Variants in DAB1 observed in about 807,000 individuals in gnomAD.
DAB1 encodes disabled homolog 1.
DAB1 carries 15 observed loss-of-function variants against 64.6 expected under a neutral mutation model. The observed-to-expected ratio is 0.23, with a 90% CI of 0.16 to 0.36. The LOEUF is 0.36. DAB1 is among the 10% of genes least tolerant of loss of function. DAB1 has a pLI of 1.00. For missense variants in DAB1, 596 were observed against 706.7 expected, an observed-to-expected ratio of 0.84 and a Z score of 1.78; for synonymous variants, 235 against 251.9, an observed-to-expected ratio of 0.93 and a Z score of 0.64.
intron 7 of DAB1, among the ~76,000 whole-genome samples, chr1:57,431,602 C>A (rs1474850229): frequency 6.6e-6 from 1 of 152,154 alleles, no homozygotes; most frequent in Non-Finnish European, 1.5e-5. Context: ...AATAGCACTC[C>A]TTTCATTTTT....
intron 5 of DAB1, among the ~76,000 whole-genome samples, chr1:57,904,512 C>G (rs1644521435): frequency 1.3e-5 from 2 of 152,066 alleles, no homozygotes; most frequent in African/African-American, 4.8e-5. Context: ...AACAAGAAAA[C>G]TGAAAATGGT....
intron 7 of DAB1, among the ~76,000 whole-genome samples, chr1:57,628,373 T>C (rs1645948416): frequency 1.3e-5 from 2 of 152,252 alleles, no homozygotes; most frequent in African/African-American, 4.8e-5. Context: ...TGAAGAGAGA[T>C]GTGGCAGATA....
At chr1:58,078,542 T>C (rs528218842) in intron 5 of DAB1, among the ~76,000 whole-genome samples, 43 of 152,322 alleles carry the variant, frequency 2.8e-4, no homozygotes, top group South Asian at 6.2e-4. Flanking sequence ...TCCTATGATG[T>C]TAGCTCCCTG....
chr1:57,732,595 TGATTCCTAAGG>T (rs1208053107), intron 6 of DAB1, among the ~76,000 whole-genome samples: 4 of 152,256 alleles, frequency 2.6e-5, no homozygotes, highest in Non-Finnish European at 2.9e-5. Flanking sequence ...GAAGGTTTAC[TGATTCCTAAGG>T]ACAGTTGCTG....
rs78923569 is a variant in DAB1 at position 57,191,431 on chromosome 1, A to T, written c.68-46002T>A. On this transcript the variant is annotated intron_variant, in intron 2 of 14. Transcript: ENST00000371236. ...CAGTCTATATTGGGTCTTGCTGATCACCAGCCTTCCCTTTACCACTGTCTC... is the reference window on the plus strand; with the variant it reads ...CAGTCTATATTGGGTCTTGCTGATCTCCAGCCTTCCCTTTACCACTGTCTC... Among the ~76,000 whole-genome samples, 1,359 of 152,270 alleles carry T rather than the reference A, an allele frequency of 8.9e-3. 16 individuals are homozygous for T. The highest frequency in any genetic ancestry group is 0.032 in the African/African-American group (1,309 of 41,540).
At chr1:57,641,378 G>GTTTTTTTTTTTTTT (rs1491296848) in intron 7 of DAB1, among the ~76,000 whole-genome samples, 5 of 109,814 alleles carry the variant, frequency 4.6e-5, no homozygotes, top group Admixed American at 1.1e-4. Context: ...TTTTTTTGTT[G>GTTTTTTTTTTTTTT]GTTTTTTTTT....
chr1:57,386,414 G>A (rs1347112030), intron 1 of DAB1, among the ~76,000 whole-genome samples: 3 of 149,136 alleles, frequency 2.0e-5, no homozygotes, highest in African/African-American at 7.4e-5. Context: ...CCATAAACAC[G>A]GGACAGAATC....
chr1:57,279,626 T>C (rs1282102436), intron 2 of DAB1, among the ~76,000 whole-genome samples: 1 of 152,228 alleles, frequency 6.6e-6, no homozygotes, highest in Non-Finnish European at 1.5e-5. Context: ...ACACACACAG[T>C]TGGCCCTCCA....
chr1:57,218,710 A>G (rs1569934658), intron 2 of DAB1, among the ~76,000 whole-genome samples: 1 of 152,026 alleles, frequency 6.6e-6, no homozygotes, highest in Admixed American at 6.6e-5. Flanking sequence ...AGCACATTCC[A>G]TAGCCTGTTC....
At chr1:57,540,259 C>T (rs115334726) in intron 7 of DAB1, among the ~76,000 whole-genome samples, 3,546 of 152,192 alleles carry the variant, frequency 0.023, 156 homozygotes, top group Admixed American at 0.12. Flanking sequence ...CATCTTACCC[C>T]AGTTAGAATG....
At chr1:57,953,223 T>C (rs547228187) in intron 5 of DAB1, among the ~76,000 whole-genome samples, 3 of 152,372 alleles carry the variant, frequency 2.0e-5, no homozygotes, top group African/African-American at 4.8e-5. Context: ...TTGACTTTTC[T>C]ATTTACAAGT....
chr1:57,564,176 G>C (rs1645088261), intron 7 of DAB1, among the ~76,000 whole-genome samples: 1 of 152,068 alleles, frequency 6.6e-6, no homozygotes, highest in Non-Finnish European at 1.5e-5. Context: ...AGGCAAAGAG[G>C]GTCTGGAGTG....
chr1:58,501,757 C>T (rs1004105239), intron 3 of DAB1, among the ~76,000 whole-genome samples: 3 of 152,160 alleles, frequency 2.0e-5, no homozygotes, highest in Admixed American at 2.0e-4. Context: ...TCATGTGTTC[C>T]TCTAAAATTC....
intron 5 of DAB1, among the ~76,000 whole-genome samples, chr1:58,148,495 T>A (rs1401436098): frequency 6.6e-6 from 1 of 152,200 alleles, no homozygotes; most frequent in African/African-American, 2.4e-5. Flanking sequence ...CAAACTACAT[T>A]TTGACCACTA....
chr1:58,479,732 T>TA (rs942868252), intron 3 of DAB1, among the ~76,000 whole-genome samples: 2 of 152,178 alleles, frequency 1.3e-5, no homozygotes, highest in African/African-American at 4.8e-5. Flanking sequence ...AGCTTAGTCT[T>TA]AGATATCTGA....
chr1:58,334,345 C>A (rs1663048177), intron 4 of DAB1, among the ~76,000 whole-genome samples: 1 of 152,128 alleles, frequency 6.6e-6, no homozygotes, highest in Non-Finnish European at 1.5e-5. Flanking sequence ...TCCACGACGT[C>A]ATGTAACATA....
intron 7 of DAB1, among the ~76,000 whole-genome samples, chr1:57,526,177 C>A (rs976268144): frequency 1.7e-4 from 26 of 152,130 alleles, no homozygotes; most frequent in African/African-American, 6.0e-4. Context: ...ACCCTGTGAT[C>A]CACCCACCTT....
chr1:58,041,174 T>A (rs1324114551), intron 5 of DAB1, among the ~76,000 whole-genome samples: 1 of 152,218 alleles, frequency 6.6e-6, no homozygotes, highest in African/African-American at 2.4e-5. Context: ...GTCTTCCTAT[T>A]GAGCAGACCC....
At chr1:57,328,159 C>A (rs1676337256) in intron 1 of DAB1, among the ~76,000 whole-genome samples, 1 of 152,180 alleles carries the variant, frequency 6.6e-6, no homozygotes. Context: ...AGCAAATCCA[C>A]CTAGCTTCTG....
Sources: gnomAD v4.1 joint callset for allele counts (sites outside exome capture counted in the v4.1 genomes callset) on GRCh38, gnomAD v4.1.1 for gene constraint, MANE v1.5 for transcripts, NCBI Gene and HGNC (gene_info 2026-07-23, HGNC 2026-07-21) for gene names.